The following HOMER3 variants were observed in gnomAD, a reference collection of about 807,000 sequenced individuals.
HOMER3 encodes homer scaffold protein 3, also known as homer protein homolog 3.
HOMER3 carries 34 observed loss-of-function variants against 45.5 expected under a neutral mutation model. That is an observed-to-expected ratio of 0.75 (90% CI 0.57 to 1.00). The LOEUF (loss-of-function observed/expected upper bound fraction) is 1.00. Ranked by LOEUF, HOMER3 falls within the 50% of genes least tolerant of loss-of-function variation. HOMER3 has a pLI of 0.00. For synonymous variants in HOMER3, 223 were observed against 208.8 expected, an observed-to-expected ratio of 1.07 and a Z score of -0.58; for missense variants, 480 against 497.5, an observed-to-expected ratio of 0.96 and a Z score of 0.33.
rs1435414798 is a variant in HOMER3, at chr19:18,929,502, G to T, written c.1027C>A (p.Leu343Met). The change falls in exon 10 of 10, where the codon CTG becomes ATG. Residue 343 changes from leucine (L) to methionine (M), a missense_variant. Physicochemically the swap from Leu to Met is conservative, Grantham distance 15. Coordinates refer to ENST00000392351, the MANE Select transcript of HOMER3 (RefSeq NM_004838.4). ...GRAAQLLDVSLFELSELREGL... is the reference protein window; with the variant it reads ...GRAAQLLDVSMFELSELREGL... ...TCACGCAGCTCACTCAGCTCAAACA[G>T]GCTGACGTCCAGCAGCTGCGCTGCC... 6.3e-7 allele frequency: 1 copy of T among 1,593,482 alleles called. No individual in the cohort carries two copies.
intron 7 of HOMER3, 52 bp downstream of exon 7, chr19:18,931,924 C>A (rs1010903908): frequency 6.8e-6 from 10 of 1,475,488 alleles, no homozygotes; most frequent in African/African-American, 1.4e-5. Context: ...GGCGCGGTCT[C>A]CACAGTTGCC....
chr19:18,934,255 C>T lies in HOMER3; in HGVS notation c.411+48G>A, dbSNP rs1275440944. The stretch of plus-strand genomic sequence containing the variant: ...CCCCCAATATCAGTTGAGCGCCTGG[C>T]TGACTCACAGGTGCCCAGGCAGGCA... On this transcript the variant is annotated intron_variant, in intron 5 of 9. Transcript: ENST00000392351. The T allele has an allele frequency of 3.5e-6, 4 of 1,154,212 alleles. No individual in the cohort carries two copies. The Admixed American group carries it at 1.4e-4, about 40-fold the overall frequency. The allele number at this position is 1,154,212 out of a possible 1,614,324, so 71.5% of individuals were successfully genotyped here. A position where few individuals can be genotyped will look rare whatever the true frequency, so the allele number is the denominator to read the frequency against.
chr19:18,930,285 C>T (rs1208870824), intron 9 of HOMER3, among the ~76,000 whole-genome samples: 6 of 144,142 alleles, frequency 4.2e-5, no homozygotes, highest in Non-Finnish European at 7.5e-5. Flanking sequence ...CAGTGGTTTA[C>T]GCCTATAATC....
chr19:18,932,885 A>AACCCCCCCCC, intron 6 of HOMER3, 39 bp downstream of exon 6: 2 of 687,538 alleles, frequency 2.9e-6, no homozygotes, highest in Non-Finnish European at 4.2e-6. Flanking sequence ...CCCCACCCCT[A>AACCCCCCCCC]CCCCCGCCCC....
In HOMER3 at chr19:18,929,388, C is replaced by A; in HGVS notation, c.*55G>T. 6.4e-7 allele frequency: 1 copy of A among 1,565,608 alleles called. No individual in the cohort carries two copies. The highest frequency in any genetic ancestry group is 1.4e-5 in the African/African-American group (1 of 73,808). On this transcript the variant is annotated 3_prime_UTR_variant, in exon 10 of 10. Coordinates refer to ENST00000392351, the MANE Select transcript of HOMER3 (RefSeq NM_004838.4). Reference sequence around the variant, plus strand: ...GGACGAATGGGCCCAACTATGCCGCCTGCAGCCTGGCCCGCATCCCAGGCC... The same window carrying A: ...GGACGAATGGGCCCAACTATGCCGCATGCAGCCTGGCCCGCATCCCAGGCC...
chr19:18,935,683 C>T (rs757022596), intron 4 of HOMER3, among the ~76,000 whole-genome samples: 11 of 152,038 alleles, frequency 7.2e-5, no homozygotes, highest in Non-Finnish European at 1.3e-4. Flanking sequence ...GGATATGTTT[C>T]CCCCCACCAC....
At chr19:18,937,255 G>T (rs1276053653) in intron 4 of HOMER3, among the ~76,000 whole-genome samples, 4 of 137,328 alleles carry the variant, frequency 2.9e-5, no homozygotes, top group African/African-American at 5.2e-5. Context: ...AGGCTGCAGT[G>T]AGCCATGATT....
chr19:18,938,709 A>ACCCCGACCCCC lies in HOMER3; in HGVS notation c.171+18_171+19insGGGGGTCGGGG. 2.1e-6 allele frequency: 2 copies of ACCCCGACCCCC among 940,950 alleles called. No homozygotes were observed. Among genetic ancestry groups the ACCCCGACCCCC allele is most frequent in the Non-Finnish European group, 3.2e-6 (2 of 626,816 alleles). 58.3% of individuals were successfully genotyped at this position (940,950 alleles called of 1,614,324 possible). A position where few individuals can be genotyped will look rare whatever the true frequency, so the allele number is the denominator to read the frequency against. On this transcript the variant is annotated intron_variant, in intron 3 of 9. Transcript: ENST00000392351. Reference sequence around the variant, plus strand: ...CCAGGACTCCTGGTGCCTCTGCCCCACCCAGACCCCACCCTGACCTTGGCG... The same window carrying ACCCCGACCCCC: ...CCAGGACTCCTGGTGCCTCTGCCCCACCCCGACCCCCCCCAGACCCCACCCTGACCTTGGCG...
At chr19:18,932,882 C>CCCCCCCCCCCCCCCCCCCCCA in intron 6 of HOMER3, 42 bp downstream of exon 6, 2 of 793,026 alleles carry the variant, frequency 2.5e-6, no homozygotes, top group East Asian at 3.4e-5. Flanking sequence ...GTCCCCCACC[C>CCCCCCCCCCCCCCCCCCCCCA]CTACCCCCGC....
rs373101180 is a variant in HOMER3, at chr19:18,929,617, A to G, written c.912T>C (p.Asn304=). ...QQKVQDLETR[N]AELEHQLRAM... ...CCCGCAGCTGGTGCTCCAACTCCGCATTGCGGGTCTCCAGGTCCTGCCAGG... is the reference window on the plus strand; with the variant it reads ...CCCGCAGCTGGTGCTCCAACTCCGCGTTGCGGGTCTCCAGGTCCTGCCAGG... The change falls in exon 10 of 10, where the codon AAT becomes AAC. Residue 304 remains asparagine (N), a synonymous_variant. Coordinates refer to ENST00000392351, the MANE Select transcript of HOMER3 (RefSeq NM_004838.4). 1.5e-3 allele frequency: 2,207 copies of G among 1,433,224 alleles called. 1 individual carries two copies. Among genetic ancestry groups the G allele is most frequent in the Non-Finnish European group, 1.7e-3 (1,788 of 1,067,454 alleles). The allele number at this position is 1,433,224 out of a possible 1,614,324, so 88.8% of individuals were successfully genotyped here. A position where few individuals can be genotyped will look rare whatever the true frequency, so the allele number is the denominator to read the frequency against.
chr19:18,937,864 G>A (rs186063896), intron 4 of HOMER3, among the ~76,000 whole-genome samples: 48 of 152,008 alleles, frequency 3.2e-4, no homozygotes, highest in Admixed American at 1.1e-3. Context: ...AAGAGGAGCA[G>A]GGTGTGTCCA....
chr19:18,939,258 G>A, intron 1 of HOMER3: 1 of 435,388 alleles, frequency 2.3e-6, no homozygotes, highest in Non-Finnish European at 4.1e-6. Flanking sequence ...TGAGCAACAT[G>A]GCGAGACCCC....
rs1340287322 is a variant in HOMER3 at position 18,932,102 on chromosome 19, C to T, written c.564G>A (p.Glu188=). ...TGTTGCTGTCCTGCAGTGCGAAAAA[C>T]TCGGCCTCCCACTGTACCTCGCCCA... The part of the protein sequence containing the change: ...GSVGEVQWEA[E]FFALQDSNNK... The change falls in exon 7 of 10, where the codon GAG becomes GAA. Residue 188 remains glutamate (E), a synonymous_variant. Transcript: ENST00000392351. The T allele has an allele frequency of 1.3e-6, 2 of 1,571,156 alleles. No individual in the cohort carries two copies. Among genetic ancestry groups the T allele is most frequent in the Non-Finnish European group, 1.7e-6 (2 of 1,160,326 alleles).
intron 6 of HOMER3, among the ~76,000 whole-genome samples, chr19:18,932,381 G>A (rs919344345): frequency 1.3e-5 from 2 of 149,260 alleles, no homozygotes; most frequent in African/African-American, 2.5e-5. Context: ...GTGGCGCTGG[G>A]CTGAGGCGGA....
intron 6 of HOMER3, 119 bp downstream of exon 6, chr19:18,932,805 A>G: frequency 2.6e-6 from 2 of 761,936 alleles, no homozygotes; most frequent in Non-Finnish European, 3.8e-6. Context: ...CCCCTTCCCC[A>G]GGTCTTGAGT....
Position 18,932,039 on chromosome 19 carries a change from G to A in HOMER3, c.627C>T (p.Ala209=), listed in dbSNP as rs757306783. ...CCAGCTGCTGCCTCCACTGGGCTGCGGCGGCGTTGGCCTCTCGCAGGGCGC... is the reference window on the plus strand; with the variant it reads ...CCAGCTGCTGCCTCCACTGGGCTGCAGCGGCGTTGGCCTCTCGCAGGGCGC... ...LAGALREANA[A]AAQWRQQLEA... Residue 209 remains alanine, a synonymous_variant, in exon 7 of 10, where the codon GCC becomes GCT. Transcript: ENST00000392351. The A allele has an allele frequency of 5.2e-6, 8 of 1,552,532 alleles. No homozygotes were observed. In the Admixed American group the frequency reaches 5.8e-5, roughly 11 times the overall value.
chr19:18,935,398 AGT>A (rs1445908017), intron 4 of HOMER3, among the ~76,000 whole-genome samples: 1 of 152,130 alleles, frequency 6.6e-6, no homozygotes, highest in African/African-American at 2.4e-5. Flanking sequence ...GGCCTCCCAA[AGT>A]GTGAGAATGA....
Position 18,929,326 on chromosome 19 carries a change from A to C in HOMER3, c.*117T>G. The C allele has an allele frequency of 6.9e-6, 8 of 1,154,154 alleles. No individual in the cohort carries two copies. The highest frequency in any genetic ancestry group is 1.0e-5 in the Non-Finnish European group (8 of 778,058). 71.5% of individuals were successfully genotyped at this position (1,154,154 alleles called of 1,614,324 possible). A position where few individuals can be genotyped will look rare whatever the true frequency, so the allele number is the denominator to read the frequency against. On this transcript the variant is annotated 3_prime_UTR_variant, in exon 10 of 10. Transcript: ENST00000392351. ...ACCCCAGCCCAGCCCGGCCCGGCCC[A>C]CCCAGGGCTAAGTTGGGACCCCCCA... is the stretch of plus-strand genomic sequence containing the variant.
chr19:18,932,589 T>G (rs2057048313), intron 6 of HOMER3, among the ~76,000 whole-genome samples: 1 of 151,024 alleles, frequency 6.6e-6, no homozygotes. Flanking sequence ...CCAGTGACAC[T>G]GTGGGAATGT....
Sources: gnomAD v4.1 joint callset for allele counts (sites outside exome capture counted in the v4.1 genomes callset) on GRCh38, gnomAD v4.1.1 for gene constraint, MANE v1.5 for transcripts, NCBI Gene and HGNC (gene_info 2026-07-23, HGNC 2026-07-21) for gene names.